The following BLK variants were observed in gnomAD, a reference collection of about 807,000 sequenced individuals.
BLK encodes the protein tyrosine-protein kinase Blk.
BLK carries 64 observed loss-of-function variants against 61.8 expected under a neutral mutation model. The observed-to-expected ratio is 1.03, with a 90% CI of 0.85 to 1.27. The LOEUF is 1.27. BLK is among the 50% of genes most tolerant of loss of function. BLK has a pLI of 0.00. For missense variants in BLK, 853 were observed against 660.5 expected, an observed-to-expected ratio of 1.29 and a Z score of -3.19; for synonymous variants, 351 against 272.0, an observed-to-expected ratio of 1.29 and a Z score of -2.86.
chr8:11,557,438 C>G (rs1303934667), intron 9 of BLK, among the ~76,000 whole-genome samples: 1 of 152,194 alleles, frequency 6.6e-6, no homozygotes, highest in Non-Finnish European at 1.5e-5. Flanking sequence ...GGGGGTGCCT[C>G]TAGCCTGCCC....
intron 1 of BLK, among the ~76,000 whole-genome samples, chr8:11,514,831 T>C (rs1398306558): frequency 1.3e-5 from 2 of 152,130 alleles, no homozygotes; most frequent in East Asian, 3.9e-4. Context: ...ATACTTTCTG[T>C]ATCATATGCA....
intron 1 of BLK, among the ~76,000 whole-genome samples, chr8:11,498,830 A>T (rs887658697): frequency 6.6e-6 from 1 of 152,184 alleles, no homozygotes; most frequent in African/African-American, 2.4e-5. Flanking sequence ...ACAAAGCCCT[A>T]ATTTTTAGGT....
chr8:11,498,383 C>G (rs537481743), intron 1 of BLK, among the ~76,000 whole-genome samples: 4 of 152,324 alleles, frequency 2.6e-5, no homozygotes, highest in Admixed American at 2.0e-4. Flanking sequence ...GCTCCGTGAA[C>G]TTGTAAACAA....
At chr8:11,558,783 G>A (rs897997221) in intron 10 of BLK, 1 of 456,088 alleles carries the variant, frequency 2.2e-6, no homozygotes, top group East Asian at 7.0e-5. Context: ...AAAAGTTTTG[G>A]TCTGTGGTCA....
chr8:11,562,400 C>T (rs111324468), intron 11 of BLK, among the ~76,000 whole-genome samples: 1 of 152,152 alleles, frequency 6.6e-6, no homozygotes, highest in African/African-American at 2.4e-5. Context: ...TTCAGGCTGG[C>T]TGGGGAGACC....
intron 10 of BLK, chr8:11,559,009 G>A: frequency 2.2e-6 from 1 of 456,270 alleles, no homozygotes; most frequent in South Asian, 1.5e-5. Context: ...AATGAGTGCT[G>A]GTAACCGGCT....
At chr8:11,515,886 A>G (rs1376506889) in intron 1 of BLK, among the ~76,000 whole-genome samples, 1 of 152,198 alleles carries the variant, frequency 6.6e-6, no homozygotes, top group Admixed American at 6.5e-5. Context: ...TTAAAAACAA[A>G]ATCATATAGA....
intron 6 of BLK, among the ~76,000 whole-genome samples, chr8:11,552,000 G>A (rs1222934952): frequency 1.3e-5 from 2 of 152,202 alleles, no homozygotes; most frequent in Non-Finnish European, 2.9e-5. Flanking sequence ...CAGGGACCAG[G>A]TACAGCCTTG....
chr8:11,543,461 T>C (rs191494398), intron 2 of BLK, 114 bp downstream of exon 2: 2 of 1,415,058 alleles, frequency 1.4e-6, no homozygotes, highest in East Asian at 2.5e-5. Context: ...GATGTAACGA[T>C]CTGCAATGTA....
intron 10 of BLK, among the ~76,000 whole-genome samples, chr8:11,558,281 G>A (rs557682908): frequency 2.1e-4 from 32 of 152,292 alleles, no homozygotes; most frequent in African/African-American, 6.7e-4. Context: ...CCTTAGACCC[G>A]GGCTGCTGTG....
chr8:11,509,223 G>C (rs145658956), intron 1 of BLK: 1 of 152,182 alleles, frequency 6.6e-6, no homozygotes, highest in African/African-American at 2.4e-5. Flanking sequence ...CACAGCACCC[G>C]AAGGGATGTC....
At chr8:11,496,457 G>C (rs1798362020) in intron 1 of BLK, among the ~76,000 whole-genome samples, 3 of 152,210 alleles carry the variant, frequency 2.0e-5, no homozygotes, top group Admixed American at 2.0e-4. Context: ...TGCCTGGGCT[G>C]ATCTCCAACC....
intron 9 of BLK, among the ~76,000 whole-genome samples, chr8:11,557,714 C>T (rs886484081): frequency 1.2e-4 from 19 of 152,204 alleles, no homozygotes; most frequent in Admixed American, 8.5e-4. Context: ...GTCCCTGCAC[C>T]TGGCTGAAAC....
In BLK at chr8:11,543,300, C is replaced by A. The variant is rs199658024; in HGVS notation, c.76C>A (p.Leu26Met). The change falls in exon 2 of 13, where the codon CTG (leucine) becomes ATG (methionine). Residue 26 changes from leucine (L) to methionine (M), a missense_variant. Coordinates refer to ENST00000259089, the MANE Select transcript of BLK (RefSeq NM_001715.3). ...KEKDKGQWSP[L>M]KVSAQDKDAP... ...GAAGGACAAGGGCCAATGGAGCCCC[C>A]TGAAGGTCAGCGCCCAAGACAAGGA... 3.7e-6 allele frequency: 6 copies of A among 1,613,704 alleles called. No individual in the cohort carries two copies. In the South Asian group the frequency reaches 6.6e-5, roughly 18 times the overall value.
intron 1 of BLK, among the ~76,000 whole-genome samples, chr8:11,533,504 C>T (rs1799978772): frequency 6.6e-6 from 1 of 151,862 alleles, no homozygotes; most frequent in African/African-American, 2.4e-5. Flanking sequence ...TGTGAACCTC[C>T]GTGGGAAAGA....
intron 1 of BLK, among the ~76,000 whole-genome samples, chr8:11,504,979 CACAG>C (rs1356948690): frequency 1.3e-5 from 2 of 152,122 alleles, no homozygotes; most frequent in African/African-American, 4.8e-5. Flanking sequence ...CATACATGCA[CACAG>C]ACACATAGAT....
intron 3 of BLK, 152 bp downstream of exon 3, chr8:11,546,255 T>TG (rs1800636266): frequency 1.1e-5 from 10 of 910,006 alleles, no homozygotes; most frequent in Non-Finnish European, 1.6e-5. Flanking sequence ...CTGTGCCTCT[T>TG]GGGGCGTCTC....
chr8:11,539,396 A>T lies in BLK; in HGVS notation c.-1-3828A>T, dbSNP rs147272833. Among the ~76,000 whole-genome samples, 330 of 151,910 alleles carry T rather than the reference A, an allele frequency of 2.2e-3. 2 individuals are homozygous for T. Among genetic ancestry groups the T allele is most frequent in the African/African-American group, 7.6e-3 (315 of 41,434 alleles). ...GATTTATAGAGTGTAGATTTATTCA[A>T]CAAGTCTTCAATTGCTGGGCAGTTA... On this transcript the variant is annotated intron_variant, in intron 1 of 12. Coordinates refer to ENST00000259089, the MANE Select transcript of BLK (RefSeq NM_001715.3).
chr8:11,561,326 G>T lies in BLK; in HGVS notation c.1054G>T (p.Glu352Ter). 1 of 1,613,912 alleles carries T rather than the reference G, an allele frequency of 6.2e-7. No homozygotes were observed. Among genetic ancestry groups the T allele is most frequent in the South Asian group, 1.1e-5 (1 of 90,964 alleles). Reference protein sequence around the residue: ...AQIAEGMAYIERMNSIHRDLR... With the variant: ...AQIAEGMAYI Reference sequence around the variant, plus strand: ...GATTGCTGAAGGGATGGCATACATTGAGCGCATGAATTCCATCCACCGCGA... The same window carrying T: ...GATTGCTGAAGGGATGGCATACATTTAGCGCATGAATTCCATCCACCGCGA... The change falls in exon 11 of 13, where the codon GAG becomes TAG. Residue 352 changes from glutamate to a stop codon, truncating the protein, a stop_gained. Transcript: ENST00000259089. LOFTEE classifies it high-confidence loss of function.
Sources: allele counts gnomAD v4.1 joint callset (sites outside exome capture counted in the v4.1 genomes callset), GRCh38; gene constraint gnomAD v4.1.1; transcripts MANE v1.5; gene names NCBI Gene and HGNC (gene_info 2026-07-23, HGNC 2026-07-21).